Variants in NLGN1 observed in about 807,000 individuals in gnomAD.
The protein encoded by NLGN1 is neuroligin-1.
Under a neutral mutation model 65.5 loss-of-function variants are expected in NLGN1, and 12 were observed. The observed-to-expected ratio is 0.18, with a 90% CI of 0.12 to 0.30. The LOEUF (loss-of-function observed/expected upper bound fraction) is 0.30, where lower values mean the gene tolerates loss of function less well. NLGN1 is among the 10% of genes least tolerant of loss of function. The pLI is 1.00. For missense variants in NLGN1, 750 were observed against 1,007.1 expected (o/e 0.74, Z 3.46); for synonymous variants, 350 against 359.5 (o/e 0.97, Z 0.30).
intron 2 of NLGN1, among the ~76,000 whole-genome samples, chr3:173,587,895 G>T (rs903118624): frequency 1.3e-5 from 2 of 151,852 alleles, no homozygotes; most frequent in African/African-American, 4.9e-5. Flanking sequence ...ATTTGCTATA[G>T]ATTCTTTCTA....
At chr3:174,288,359 G>T (rs1752358938), downstream of NLGN1, among the ~76,000 whole-genome samples, 1 of 151,424 alleles carries the variant, frequency 6.6e-6, no homozygotes. Flanking sequence ...CCCATAAGTG[G>T]TTCCTTAATC....
intron 1 of NLGN1, among the ~76,000 whole-genome samples, chr3:173,408,754 T>C (rs886631835): frequency 6.6e-6 from 1 of 151,818 alleles, no homozygotes. Flanking sequence ...CTACTAAAAA[T>C]ACAAAAAATT....
At chr3:173,747,795 C>CTTTTTTTT (rs1560289220) in intron 3 of NLGN1, among the ~76,000 whole-genome samples, 1 of 78,576 alleles carries the variant, frequency 1.3e-5, no homozygotes, top group African/African-American at 6.2e-5. Context: ...TCTTCTTCTT[C>CTTTTTTTT]TTGTTCTTTT....
intron 4 of NLGN1, among the ~76,000 whole-genome samples, chr3:173,886,535 G>T (rs971771663): frequency 2.0e-5 from 3 of 151,970 alleles, no homozygotes; most frequent in Non-Finnish European, 2.9e-5. Flanking sequence ...GCAAATGCAA[G>T]CATCTGTTTG....
intron 3 of NLGN1, among the ~76,000 whole-genome samples, chr3:173,782,814 C>A (rs1781380591): frequency 6.6e-6 from 1 of 151,826 alleles, no homozygotes; most frequent in South Asian, 2.1e-4. Flanking sequence ...TCCCCTACCC[C>A]CCGCTCCCAG....
chr3:174,046,983 A>G (rs1364603313), intron 4 of NLGN1, among the ~76,000 whole-genome samples: 1 of 152,026 alleles, frequency 6.6e-6, no homozygotes, highest in Non-Finnish European at 1.5e-5. Context: ...TGTTAAGGAA[A>G]GTTATCAATG....
At chr3:173,536,452 A>C (rs1417553759) in intron 2 of NLGN1, among the ~76,000 whole-genome samples, 1 of 152,206 alleles carries the variant, frequency 6.6e-6, no homozygotes, top group Non-Finnish European at 1.5e-5. Flanking sequence ...AGTTTTGATG[A>C]GTAAATAGTA....
chr3:174,246,606 A>C (rs561163529), intron 4 of NLGN1, among the ~76,000 whole-genome samples: 1 of 152,276 alleles, frequency 6.6e-6, no homozygotes, highest in East Asian at 1.9e-4. Flanking sequence ...TTTTATGGAA[A>C]TGAAGTCTCA....
intron 4 of NLGN1, among the ~76,000 whole-genome samples, chr3:173,990,980 C>A (rs1579613943): frequency 6.6e-6 from 1 of 152,114 alleles, no homozygotes; most frequent in African/African-American, 2.4e-5. Flanking sequence ...TACCCCCATA[C>A]ATGCAGAGCT....
At chr3:173,426,501 G>A (rs1553847195) in intron 1 of NLGN1, among the ~76,000 whole-genome samples, 1 of 151,898 alleles carries the variant, frequency 6.6e-6, no homozygotes, top group Non-Finnish European at 1.5e-5. Flanking sequence ...TTTGGGGTAT[G>A]TTTTTTTCTA....
intron 2 of NLGN1, among the ~76,000 whole-genome samples, chr3:173,531,747 T>C (rs546380850): frequency 1.2e-4 from 18 of 152,284 alleles, no homozygotes; most frequent in Non-Finnish European, 2.6e-4. Context: ...TCACCTTTGA[T>C]TGGCAGCCAG....
At chr3:174,162,482 C>T (rs900828980) in intron 4 of NLGN1, among the ~76,000 whole-genome samples, 16 of 151,824 alleles carry the variant, frequency 1.1e-4, no homozygotes, top group African/African-American at 3.4e-4. Flanking sequence ...ATACAATGAT[C>T]GATAAAATCA....
chr3:174,127,200 T>C lies in NLGN1; in HGVS notation c.647-148115T>C, dbSNP rs77998129. Among the ~76,000 whole-genome samples the C allele has an allele frequency of 6.3e-3, 954 of 152,282 alleles. 26 individuals carry two copies. Among genetic ancestry groups the C allele is most frequent in the East Asian group, 0.039 (204 of 5,184 alleles). On this transcript the variant is annotated intron_variant, in intron 4 of 6. Transcript: ENST00000457714. Reference sequence around the variant, plus strand: ...TGTGAGAAATCTTATCTAAACAGTTTAATCATGCCCAAGTGTGTGGTAGTT... The same window carrying C: ...TGTGAGAAATCTTATCTAAACAGTTCAATCATGCCCAAGTGTGTGGTAGTT...
At chr3:174,212,713 C>T (rs1736916560) in intron 4 of NLGN1, among the ~76,000 whole-genome samples, 1 of 152,340 alleles carries the variant, frequency 6.6e-6, no homozygotes, top group East Asian at 1.9e-4. Flanking sequence ...ATTAAAACAA[C>T]ACAAAGTTAT....
At chr3:173,435,509 T>G (rs1421159649) in intron 2 of NLGN1, among the ~76,000 whole-genome samples, 1 of 152,140 alleles carries the variant, frequency 6.6e-6, no homozygotes, top group Non-Finnish European at 1.5e-5. Context: ...TGTTGTGATA[T>G]TTATAATCAC....
intron 1 of NLGN1, among the ~76,000 whole-genome samples, chr3:173,407,618 A>T (rs1247196810): frequency 3.9e-5 from 6 of 152,188 alleles, no homozygotes; most frequent in Non-Finnish European, 7.4e-5. Context: ...TATTATTTAA[A>T]GGAGATTAGG....
In NLGN1 at chr3:173,747,057, TATACACACACACAC is replaced by T. The variant is rs1158633331; in HGVS notation, c.494-60621_494-60608del. Among the ~76,000 whole-genome samples the T allele has an allele frequency of 9.4e-3, 771 of 81,780 alleles. 8 individuals are homozygous for T. The highest frequency in any genetic ancestry group is 0.034 in the African/African-American group (731 of 21,738). The allele number at this position is 81,780 out of a possible 152,430, so 53.7% of individuals were successfully genotyped here. ...CCTGCCTCAAAAAGAAAAAATTATATATACACACACACACACACACACACACACACACACAAACA... is the reference window on the plus strand; with the variant it reads ...CCTGCCTCAAAAAGAAAAAATTATATACACACACACACACACACACAAACA... On this transcript the variant is annotated intron_variant, in intron 3 of 6. Coordinates refer to ENST00000457714, the Ensembl canonical transcript of NLGN1.
At chr3:173,706,317 G>T (rs1167780424) in intron 3 of NLGN1, among the ~76,000 whole-genome samples, 2 of 152,082 alleles carry the variant, frequency 1.3e-5, no homozygotes, top group Non-Finnish European at 2.9e-5. Context: ...CCACTTTTTA[G>T]AAATAGATGT....
At chr3:174,254,306 A>ATTTTTTTT (rs371427726) in intron 4 of NLGN1, among the ~76,000 whole-genome samples, 17 of 113,760 alleles carry the variant, frequency 1.5e-4, no homozygotes, top group Non-Finnish European at 2.6e-4. Flanking sequence ...GTCCTTTTTA[A>ATTTTTTTT]TTTTTTTTTT....
Sources: gnomAD v4.1 joint callset for allele counts (sites outside exome capture counted in the v4.1 genomes callset) on GRCh38, gnomAD v4.1.1 for gene constraint, MANE v1.5 for transcripts, NCBI Gene and HGNC (gene_info 2026-07-23, HGNC 2026-07-21) for gene names.